The following LRRC20 variants were observed in gnomAD, a reference collection of about 807,000 sequenced individuals.
The protein encoded by LRRC20 is leucine rich repeat containing 20, also known as leucine-rich repeat-containing protein 20.
LRRC20 carries 11 observed loss-of-function variants against 14.4 expected under a neutral mutation model. The observed-to-expected ratio is 0.77, with a 90% CI of 0.48 to 1.27. LRRC20 has a LOEUF of 1.27. Ranked by LOEUF, LRRC20 falls within the 50% of genes most tolerant of loss-of-function variation. LRRC20 has a pLI of 0.00. For synonymous variants in LRRC20, 121 were observed against 107.3 expected (o/e 1.13, Z -0.79); for missense variants, 219 against 251.2 (o/e 0.87, Z 0.87).
At chr10:70,371,297 C>T (rs1178700851) in intron 2 of LRRC20, among the ~76,000 whole-genome samples, 2 of 151,902 alleles carry the variant, frequency 1.3e-5, no homozygotes, top group Admixed American at 6.6e-5. Context: ...GCCACTGCAC[C>T]TGGCTAATTT....
intron 2 of LRRC20, among the ~76,000 whole-genome samples, chr10:70,364,779 T>C (rs547878607): frequency 3.3e-5 from 5 of 152,292 alleles, no homozygotes; most frequent in South Asian, 2.1e-4. Flanking sequence ...CGCGCTAGCC[T>C]TGGTCTCCCT....
chr10:70,342,510 G>A (rs1297532920), intron 2 of LRRC20, among the ~76,000 whole-genome samples: 1 of 151,972 alleles, frequency 6.6e-6, no homozygotes, highest in Non-Finnish European at 1.5e-5. Context: ...AAAGCATAGG[G>A]GTTCAGAAAT....
intron 2 of LRRC20, among the ~76,000 whole-genome samples, chr10:70,352,641 G>A (rs1013305583): frequency 1.3e-5 from 2 of 152,196 alleles, no homozygotes; most frequent in African/African-American, 4.8e-5. Context: ...GGTGGGGGAT[G>A]TTGATCATGG....
chr10:70,330,223 A>AG (rs1842483849), intron 3 of LRRC20, among the ~76,000 whole-genome samples: 3 of 151,864 alleles, frequency 2.0e-5, no homozygotes, highest in Non-Finnish European at 4.4e-5. Flanking sequence ...TCTCCAATGC[A>AG]ATCACCTGGG....
chr10:70,329,672 C>T (rs1211923595), intron 3 of LRRC20, among the ~76,000 whole-genome samples: 1 of 151,884 alleles, frequency 6.6e-6, no homozygotes, highest in Non-Finnish European at 1.5e-5. Flanking sequence ...AGCGATTCTC[C>T]TGTCTCAGCC....
intron 4 of LRRC20, among the ~76,000 whole-genome samples, chr10:70,306,974 G>A (rs1841449087): frequency 6.6e-6 from 1 of 152,152 alleles, no homozygotes; most frequent in African/African-American, 2.4e-5. Context: ...TTTGACCACT[G>A]GGAGCCCCTT....
chr10:70,359,808 A>G (rs1843653877), intron 2 of LRRC20, among the ~76,000 whole-genome samples: 1 of 152,108 alleles, frequency 6.6e-6, no homozygotes, highest in South Asian at 2.1e-4. Flanking sequence ...ACTGTATTTC[A>G]AGGACTTGTT....
At chr10:70,302,545 G>A (rs550007755) in intron 4 of LRRC20, among the ~76,000 whole-genome samples, 42 of 152,196 alleles carry the variant, frequency 2.8e-4, no homozygotes, top group Admixed American at 3.9e-4. Context: ...TGATGGTTGC[G>A]CAACATGGTG....
intron 3 of LRRC20, among the ~76,000 whole-genome samples, chr10:70,331,888 A>G (rs959807644): frequency 1.3e-5 from 2 of 152,114 alleles, no homozygotes; most frequent in African/African-American, 2.4e-5. Flanking sequence ...TTCCTGTACC[A>G]TCCTTATCTT....
At chr10:70,320,345 A>AGATC (rs1554837584) in intron 4 of LRRC20, among the ~76,000 whole-genome samples, 38 of 148,552 alleles carry the variant, frequency 2.6e-4, no homozygotes, top group Admixed American at 4.0e-4. Flanking sequence ...ATAGATAGAT[A>AGATC]GATCTGTGCA....
chr10:70,341,763 G>A (rs765114833), intron 2 of LRRC20, among the ~76,000 whole-genome samples: 2 of 151,706 alleles, frequency 1.3e-5, no homozygotes, highest in Non-Finnish European at 2.9e-5. Flanking sequence ...ACAAGACTCC[G>A]TCTCCCCACC....
intron 2 of LRRC20, among the ~76,000 whole-genome samples, chr10:70,343,188 T>C (rs899190281): frequency 1.3e-5 from 2 of 152,166 alleles, no homozygotes; most frequent in Non-Finnish European, 2.9e-5. Context: ...CTGAGCCTCA[T>C]ATAATGCGAA....
chr10:70,306,136 C>CCA (rs752505730), intron 4 of LRRC20, among the ~76,000 whole-genome samples: 86 of 151,420 alleles, frequency 5.7e-4, no homozygotes, highest in Non-Finnish European at 1.0e-3. Flanking sequence ...CTCCCCCACC[C>CCA]CACACACACA....
At chr10:70,327,886 T>C (rs1197045265) in intron 3 of LRRC20, among the ~76,000 whole-genome samples, 1 of 152,210 alleles carries the variant, frequency 6.6e-6, no homozygotes, top group Non-Finnish European at 1.5e-5. Context: ...GGCTCTGCAT[T>C]TGTCCCCTCC....
At chr10:70,323,415 G>T (rs888812874) in intron 4 of LRRC20, among the ~76,000 whole-genome samples, 1 of 152,182 alleles carries the variant, frequency 6.6e-6, no homozygotes, top group African/African-American at 2.4e-5. Flanking sequence ...CAGCGTGTTT[G>T]TTCTGGAAGG....
intron 3 of LRRC20, among the ~76,000 whole-genome samples, chr10:70,330,209 G>T (rs1200857016): frequency 1.3e-5 from 2 of 152,110 alleles, no homozygotes; most frequent in African/African-American, 4.8e-5. Flanking sequence ...AAGTTTGATA[G>T]AATTCTCCAA....
In LRRC20 at chr10:70,365,852, C is replaced by T. The variant is rs567365576; in HGVS notation, c.82+10600G>A. On this transcript the variant is annotated intron_variant, in intron 2 of 4. Transcript: ENST00000446961. ...TTGGGAGGCCGAGGCGGGCGGATCA[C>T]GAGGTCAGGAGATCGAGACCATCCT... is the stretch of plus-strand genomic sequence containing the variant. 1.3e-3 allele frequency among the ~76,000 whole-genome samples: 195 copies of T among 152,012 alleles called. 1 individual carries two copies. Among genetic ancestry groups the T allele is most frequent in the Non-Finnish European group, 2.0e-3 (134 of 67,952 alleles).
In LRRC20 at chr10:70,340,625, G is replaced by A. The variant is rs747578398; in HGVS notation, c.160C>T (p.Leu54Phe). 6.8e-6 allele frequency: 11 copies of A among 1,614,150 alleles called. No homozygotes were observed. Among genetic ancestry groups the A allele is most frequent in the South Asian group, 1.1e-5 (1 of 91,084 alleles). The change falls in exon 3 of 5, where the codon CTC becomes TTC. Residue 54 changes from leucine to phenylalanine, a missense_variant. Transcript: ENST00000446961. ...AGCTCGTTGTTAGCCAGGGTGATGA[G>A]GTGGATCTGGCCAGAGACATTCCGC... is the stretch of plus-strand genomic sequence containing the variant. ...VLRNVSGQIH[L>F]ITLANNELKS...
intron 2 of LRRC20, among the ~76,000 whole-genome samples, chr10:70,372,732 G>A (rs1248078508): frequency 6.6e-6 from 1 of 151,972 alleles, no homozygotes; most frequent in African/African-American, 2.4e-5. Flanking sequence ...GTGAGCCACT[G>A]CGCCCGGCCG....
Sources: gnomAD v4.1 joint callset for allele counts (sites outside exome capture counted in the v4.1 genomes callset) on GRCh38, gnomAD v4.1.1 for gene constraint, MANE v1.5 for transcripts, NCBI Gene and HGNC (gene_info 2026-07-23, HGNC 2026-07-21) for gene names.